ZNF385B: variants seen among roughly 807,000 people sequenced by gnomAD.
ZNF385B encodes the protein zinc finger protein 533.
A neutral mutation model predicts 39.2 loss-of-function variants in ZNF385B; 23 were observed. The observed-to-expected ratio is 0.59, with a 90% CI of 0.42 to 0.83. The LOEUF is 0.83. ZNF385B is among the 40% of genes least tolerant of loss of function. The pLI is 0.00. For missense variants in ZNF385B, 552 were observed against 598.9 expected (o/e 0.92, Z 0.82); for synonymous variants, 205 against 222.6 (o/e 0.92, Z 0.70).
At chr2:179,859,023 A>G (rs998245484) in intron 1 of ZNF385B, among the ~76,000 whole-genome samples, 3 of 151,950 alleles carry the variant, frequency 2.0e-5, no homozygotes, top group Non-Finnish European at 4.4e-5. Flanking sequence ...CTGTACAGGC[A>G]TTTCACCTTT....
intron 3 of ZNF385B, among the ~76,000 whole-genome samples, chr2:179,696,010 C>T (rs920804511): frequency 1.3e-5 from 2 of 152,260 alleles, no homozygotes; most frequent in South Asian, 2.1e-4. Flanking sequence ...AAGTCAGTCA[C>T]GAAAGACCAG....
intron 4 of ZNF385B, among the ~76,000 whole-genome samples, chr2:179,528,797 G>T (rs549272749): frequency 6.6e-6 from 1 of 152,322 alleles, no homozygotes; most frequent in African/African-American, 2.4e-5. Flanking sequence ...GTAGATCCTT[G>T]TGTGTAACAA....
Position 179,745,739 on chromosome 2 carries a change from C to T in ZNF385B, c.298+23764G>A, listed in dbSNP as rs1248595454. 1.0e-5 allele frequency: 16 copies of T among 1,543,346 alleles called. No homozygotes were observed. In the Admixed American group the frequency reaches 3.2e-4, roughly 31 times the overall value. On this transcript the variant is annotated intron_variant, in intron 3 of 9. Coordinates refer to ENST00000410066, the MANE Select transcript of ZNF385B (RefSeq NM_152520.6). ...TCTGCTAGGAAGTCCACTCCACATC[C>T]TGGCAGGGCTCTCACCAGCTTCAAG...
chr2:179,645,847 G>A (rs927757049), intron 3 of ZNF385B, among the ~76,000 whole-genome samples: 4 of 152,172 alleles, frequency 2.6e-5, no homozygotes, highest in African/African-American at 9.7e-5. Flanking sequence ...GATAACGAAG[G>A]GCAGGCCTTG....
intron 4 of ZNF385B, among the ~76,000 whole-genome samples, chr2:179,527,890 C>T (rs1362729329): frequency 6.6e-6 from 1 of 152,096 alleles, no homozygotes; most frequent in Admixed American, 6.6e-5. Flanking sequence ...AGACCCAAAT[C>T]TCTAACATAA....
intron 3 of ZNF385B, among the ~76,000 whole-genome samples, chr2:179,665,081 T>A (rs1694974285): frequency 6.6e-6 from 1 of 152,200 alleles, no homozygotes; most frequent in Non-Finnish European, 1.5e-5. Flanking sequence ...CCAGGTTTCT[T>A]CTGGGCCGTA....
At chr2:179,853,209 T>C (rs986446690) in intron 1 of ZNF385B, among the ~76,000 whole-genome samples, 1 of 152,206 alleles carries the variant, frequency 6.6e-6, no homozygotes, top group African/African-American at 2.4e-5. Context: ...CAACTATTAA[T>C]ACAATTCTAG....
intron 3 of ZNF385B, among the ~76,000 whole-genome samples, chr2:179,661,478 C>T (rs1015935432): frequency 6.6e-6 from 1 of 152,018 alleles, no homozygotes; most frequent in Non-Finnish European, 1.5e-5. Flanking sequence ...TCCCTTAATC[C>T]CCCTCATATA....
intron 3 of ZNF385B, among the ~76,000 whole-genome samples, chr2:179,720,391 AGCAGGGGAGAGG>A (rs1700605266): frequency 7.4e-6 from 1 of 135,100 alleles, no homozygotes. Context: ...AGGAAAAGAG[AGCAGGGGAGAGG>A]GGAGGGGAGG....
At chr2:179,802,952 G>A (rs1161818955) in intron 1 of ZNF385B, among the ~76,000 whole-genome samples, 2 of 152,086 alleles carry the variant, frequency 1.3e-5, no homozygotes, top group East Asian at 1.9e-4. Context: ...TTAAAAAAAC[G>A]CAATAGCTAA....
chr2:179,634,162 G>A (rs1691504318), intron 3 of ZNF385B, among the ~76,000 whole-genome samples: 1 of 152,146 alleles, frequency 6.6e-6, no homozygotes, highest in Admixed American at 6.5e-5. Flanking sequence ...AGGACTTCAT[G>A]ACTAAAACAC....
At chr2:179,701,758 T>G (rs1029126483) in intron 3 of ZNF385B, among the ~76,000 whole-genome samples, 1 of 152,208 alleles carries the variant, frequency 6.6e-6, no homozygotes, top group Non-Finnish European at 1.5e-5. Context: ...CTGGGTACCT[T>G]GGACATTTCA....
chr2:179,841,279 A>T (rs982383140), intron 1 of ZNF385B, among the ~76,000 whole-genome samples: 1 of 152,228 alleles, frequency 6.6e-6, no homozygotes, highest in African/African-American at 2.4e-5. Context: ...AAAGGAAGAA[A>T]GGGGGAAAAT....
chr2:179,648,779 G>C (rs556699046), intron 3 of ZNF385B, among the ~76,000 whole-genome samples: 16 of 152,116 alleles, frequency 1.1e-4, no homozygotes, highest in African/African-American at 3.9e-4. Context: ...GGCCCAATCT[G>C]GGAAAATTTG....
At chr2:179,634,359 A>G (rs982924002) in intron 3 of ZNF385B, among the ~76,000 whole-genome samples, 1 of 152,116 alleles carries the variant, frequency 6.6e-6, no homozygotes, top group Non-Finnish European at 1.5e-5. Flanking sequence ...ATTTACAAGA[A>G]AAAAAAATCA....
At chr2:179,692,405 C>T (rs1156901751) in intron 3 of ZNF385B, among the ~76,000 whole-genome samples, 3 of 152,170 alleles carry the variant, frequency 2.0e-5, no homozygotes, top group Non-Finnish European at 4.4e-5. Context: ...TCCCACTCCT[C>T]CATTCTCTAC....
intron 1 of ZNF385B, among the ~76,000 whole-genome samples, chr2:179,808,185 G>A (rs188544991): frequency 0.046 from 7,011 of 151,738 alleles, 360 homozygotes; most frequent in Admixed American, 0.16. Flanking sequence ...GGCGCACGCC[G>A]CCACGCCTGG....
chr2:179,470,103 G>A (rs996068350), intron 6 of ZNF385B, among the ~76,000 whole-genome samples: 1 of 152,142 alleles, frequency 6.6e-6, no homozygotes, highest in African/African-American at 2.4e-5. Context: ...CCCCACCGCA[G>A]GCCATGCTTT....
intron 3 of ZNF385B, among the ~76,000 whole-genome samples, chr2:179,757,026 G>C (rs1344094684): frequency 6.6e-6 from 1 of 152,164 alleles, no homozygotes; most frequent in African/African-American, 2.4e-5. Flanking sequence ...TCCTTTGGAG[G>C]GGGAGAGGTG....
Sources: gnomAD v4.1 joint callset for allele counts (sites outside exome capture counted in the v4.1 genomes callset) on GRCh38, gnomAD v4.1.1 for gene constraint, MANE v1.5 for transcripts, NCBI Gene and HGNC (gene_info 2026-07-23, HGNC 2026-07-21) for gene names.